KIAA1549: variants seen among roughly 807,000 people sequenced by gnomAD.
KIAA1549 encodes the protein KIAA1549.
Under a neutral mutation model 156.4 loss-of-function variants are expected in KIAA1549, and 70 were observed. That is an observed-to-expected ratio of 0.45 (90% confidence interval 0.37 to 0.55). KIAA1549 has a LOEUF of 0.55. Ranked by LOEUF, KIAA1549 falls within the 20% of genes least tolerant of loss-of-function variation. KIAA1549 has a pLI of 0.00. For missense variants in KIAA1549, 2,428 were observed against 2,540.9 expected (o/e 0.96, Z 0.96); for synonymous variants, 1,103 against 1,066.4 (o/e 1.03, Z -0.67).
intron 1 of KIAA1549, among the ~76,000 whole-genome samples, chr7:138,944,078 T>A (rs954678759): frequency 1.3e-5 from 1 of 77,160 alleles, no homozygotes; most frequent in Admixed American, 1.0e-4. Context: ...TCTCTTAGCA[T>A]TTTTTTTTTT....
chr7:138,894,716 T>C (rs1811637425), intron 9 of KIAA1549, among the ~76,000 whole-genome samples, 190 bp from the exon 10 acceptor site: 1 of 152,206 alleles, frequency 6.6e-6, no homozygotes, highest in Non-Finnish European at 1.5e-5. Context: ...ACATCTAGAA[T>C]ACATCAGGGA....
At chr7:138,913,156 G>A (rs1812217424) in intron 2 of KIAA1549, among the ~76,000 whole-genome samples, 1 of 152,042 alleles carries the variant, frequency 6.6e-6, no homozygotes, top group Non-Finnish European at 1.5e-5. Flanking sequence ...TTATAGACGT[G>A]AGCCACCGCA....
At chr7:138,921,633 G>A (rs758021378) in intron 1 of KIAA1549, among the ~76,000 whole-genome samples, 5 of 152,310 alleles carry the variant, frequency 3.3e-5, no homozygotes, top group South Asian at 2.1e-4. Flanking sequence ...TTGGAAGGCC[G>A]AGGAGGGCGG....
intron 1 of KIAA1549, among the ~76,000 whole-genome samples, chr7:138,954,559 A>C (rs1813605051): frequency 6.6e-6 from 1 of 152,018 alleles, no homozygotes; most frequent in African/African-American, 2.4e-5. Flanking sequence ...TCTGGCCAAA[A>C]ATGGTCTGGT....
At position 138,917,253 on chromosome 7, in the gene KIAA1549, G is replaced by C. The variant is rs375579009; in HGVS notation, c.2373C>G (p.Thr791=). The part of the protein sequence containing the change: ...TAGIQATSPL[T]TVHTTPILTE... ...TTAAAATGGGCGTTGTGTGGACAGTGGTCAATGGTGATGTTGCTTGAATCC... is the reference window on the plus strand; with the variant it reads ...TTAAAATGGGCGTTGTGTGGACAGTCGTCAATGGTGATGTTGCTTGAATCC... The change falls in exon 2 of 20, where the codon ACC becomes ACG. Residue 791 remains threonine (T), a synonymous_variant. Transcript: ENST00000422774. 3.8e-5 allele frequency: 62 copies of C among 1,613,754 alleles called. No individual in the cohort carries two copies. Among genetic ancestry groups the C allele is most frequent in the Middle Eastern group, 3.3e-4 (2 of 6,084 alleles).
intron 17 of KIAA1549, among the ~76,000 whole-genome samples, chr7:138,848,521 T>G (rs1810144652): frequency 6.6e-6 from 1 of 152,204 alleles, no homozygotes; most frequent in Non-Finnish European, 1.5e-5. Context: ...AAATCCAATG[T>G]GGTTGTAATA....
At chr7:138,966,279 C>T (rs1037794113) in intron 1 of KIAA1549, among the ~76,000 whole-genome samples, 1 of 152,038 alleles carries the variant, frequency 6.6e-6, no homozygotes, top group Non-Finnish European at 1.5e-5. Context: ...GAAATTTGCA[C>T]GCACACACAC....
intron 15 of KIAA1549, among the ~76,000 whole-genome samples, chr7:138,866,950 G>C (rs1409272933): frequency 2.0e-5 from 3 of 151,990 alleles, no homozygotes; most frequent in Non-Finnish European, 1.5e-5. Context: ...TTACAGGCAT[G>C]CACCACCACG....
chr7:138,875,500 T>C (rs1811058480), intron 12 of KIAA1549, among the ~76,000 whole-genome samples: 1 of 151,866 alleles, frequency 6.6e-6, no homozygotes, highest in Non-Finnish European at 1.5e-5. Context: ...AATAAAAAGT[T>C]AGCTGGGCGT....
chr7:138,866,794 A>G (rs1810755387), intron 15 of KIAA1549, among the ~76,000 whole-genome samples: 1 of 152,190 alleles, frequency 6.6e-6, no homozygotes, highest in Non-Finnish European at 1.5e-5. Flanking sequence ...TACTTTGGAA[A>G]AAAATAATCC....
At chr7:138,924,711 G>A (rs1338299114) in intron 1 of KIAA1549, among the ~76,000 whole-genome samples, 1 of 152,152 alleles carries the variant, frequency 6.6e-6, no homozygotes, top group Non-Finnish European at 1.5e-5. Flanking sequence ...AGCGGCTGCA[G>A]TGCCAAAGGG....
chr7:138,918,677 T>C lies in KIAA1549; in HGVS notation c.949A>G (p.Thr317Ala), dbSNP rs1341082936. The C allele has an allele frequency of 6.2e-7, 1 of 1,613,686 alleles. No individual in the cohort carries two copies. Among genetic ancestry groups the C allele is most frequent in the East Asian group, 2.2e-5 (1 of 44,894 alleles). Residue 317 changes from threonine (T) to alanine (A), a missense_variant, in exon 2 of 20, where the codon ACA becomes GCA. This residue lies in a region of KIAA1549 where 893 missense variants were observed against 847.9 expected (regional missense o/e 1.05). Coordinates refer to ENST00000422774, the MANE Select transcript of KIAA1549 (RefSeq NM_001164665.2). This position sits in a 1 kb window ranked among gnomAD's most constrained non-coding sequence, Gnocchi z 4.2. ...VSQPPEEVWATSADRYTDVTT... is the reference protein window; with the variant it reads ...VSQPPEEVWAASADRYTDVTT... ...ACATCAGTGTATCTGTCTGCACTTG[T>C]GGCCCAAACCTCCTCTGGAGGCTGT... is the stretch of plus-strand genomic sequence containing the variant.
At chr7:138,840,705 C>T (rs774709189) in intron 18 of KIAA1549, among the ~76,000 whole-genome samples, 7 of 152,246 alleles carry the variant, frequency 4.6e-5, no homozygotes, top group Admixed American at 3.9e-4. Flanking sequence ...AACCTACACC[C>T]TATGCGCCAC....
chr7:138,915,508 G>A (rs750920471), intron 2 of KIAA1549, among the ~76,000 whole-genome samples: 6 of 152,042 alleles, frequency 3.9e-5, no homozygotes, highest in Non-Finnish European at 8.8e-5. Flanking sequence ...GTAGGGTGTT[G>A]ATCACTGACG....
At chr7:138,886,955 A>T (rs1292112137) in intron 10 of KIAA1549, among the ~76,000 whole-genome samples, 1 of 151,992 alleles carries the variant, frequency 6.6e-6, no homozygotes, top group African/African-American at 2.4e-5. Context: ...AGGCTGGAAT[A>T]CAATGGTATG....
At position 138,840,181 on chromosome 7, in the gene KIAA1549, C is replaced by A. The variant is rs757881671; in HGVS notation, c.5550G>T (p.Gly1850=). 2.6e-6 allele frequency: 4 copies of A among 1,561,744 alleles called. No homozygotes were observed. The highest frequency in any genetic ancestry group is 2.6e-6 in the Non-Finnish European group (3 of 1,152,632). ...IPPSRGSQYG[G]PGWPSYGEDE... is the part of the protein sequence containing the mutation. The stretch of plus-strand genomic sequence containing the variant: ...CCTCCCCGTACGAAGGCCAGCCTGG[C>A]CCCCCATACTGGCTGCCTCTGCTTG... Residue 1850 remains glycine, a synonymous_variant, in exon 19 of 20, where the codon GGG becomes GGT. Transcript: ENST00000422774.
At chr7:138,965,455 C>T (rs961143622) in intron 1 of KIAA1549, among the ~76,000 whole-genome samples, 8 of 152,146 alleles carry the variant, frequency 5.3e-5, no homozygotes, top group South Asian at 2.1e-4. Flanking sequence ...CCTTCCACAG[C>T]GCTGAGATTA....
chr7:138,948,043 G>A lies in KIAA1549; in HGVS notation c.188-28605C>T, dbSNP rs559132012. ...CTCCCAAAGTACTGGGATTACAGGT[G>A]TGAGCCACTGCACCCGGCCTCAGGG... On this transcript the variant is annotated intron_variant, in intron 1 of 19. Transcript: ENST00000422774. 2.0e-5 allele frequency among the ~76,000 whole-genome samples: 3 copies of A among 152,284 alleles called. No homozygotes were observed. The East Asian group carries it at 5.8e-4, about 29-fold the overall frequency.
chr7:138,881,540 A>G lies in KIAA1549; in HGVS notation c.4077T>C (p.His1359=). The G allele has an allele frequency of 6.2e-7, 1 of 1,613,914 alleles. No individual in the cohort carries two copies. Among genetic ancestry groups the G allele is most frequent in the Non-Finnish European group, 8.5e-7 (1 of 1,179,854 alleles). Residue 1359 remains histidine, a synonymous_variant, in exon 11 of 20, where the codon CAT becomes CAC. Transcript: ENST00000422774. ...SVKGFDFAKQ[H]LGQHNKDDIL... ...TGTCGTCTTTATTGTGCTGACCCAG[A>G]TGCTGCTTAGCAAAATCGAAGCCCT...
Sources: allele counts gnomAD v4.1 joint callset (sites outside exome capture counted in the v4.1 genomes callset), GRCh38; gene constraint gnomAD v4.1.1; regional missense constraint gnomAD v4.1.1; non-coding constraint Gnocchi (gnomAD v3.1); transcripts MANE v1.5; gene names NCBI Gene and HGNC (gene_info 2026-07-23, HGNC 2026-07-21).